CYTIP: variants seen among roughly 807,000 people sequenced by gnomAD.
The protein encoded by CYTIP is cytohesin 1 interacting protein, also known as cytohesin-interacting protein.
CYTIP carries 26 observed loss-of-function variants against 43.8 expected under a neutral mutation model. The observed-to-expected ratio is 0.59, with a 90% CI of 0.44 to 0.82. The LOEUF (loss-of-function observed/expected upper bound fraction) is 0.82. Ranked by LOEUF, CYTIP falls within the 40% of genes least tolerant of loss-of-function variation. The pLI, the probability that CYTIP is intolerant of heterozygous loss-of-function variation, is 0.00. For missense variants in CYTIP, 426 were observed against 443.1 expected, an observed-to-expected ratio of 0.96 and a Z score of 0.35; for synonymous variants, 162 against 162.9, an observed-to-expected ratio of 0.99 and a Z score of 0.04.
At chr2:157,442,438 C>T (rs1390392209) in intron 1 of CYTIP, among the ~76,000 whole-genome samples, 1 of 148,712 alleles carries the variant, frequency 6.7e-6, no homozygotes, top group African/African-American at 2.5e-5. Flanking sequence ...TGGAAAGTTC[C>T]CACCCTGATT....
chr2:157,435,635 T>C (rs1255033781), intron 1 of CYTIP, among the ~76,000 whole-genome samples: 2 of 152,186 alleles, frequency 1.3e-5, no homozygotes, highest in Non-Finnish European at 2.9e-5. Context: ...GGTCGGTTTG[T>C]TTCTTTGTTC....
intron 1 of CYTIP, among the ~76,000 whole-genome samples, chr2:157,437,698 CA>C (rs137924124): frequency 2.5e-5 from 3 of 118,426 alleles, no homozygotes; most frequent in Non-Finnish European, 3.4e-5. Flanking sequence ...GACTCCATCT[CA>C]AAAAAAAAAA....
chr2:157,431,887 C>T (rs1461287499), intron 3 of CYTIP, among the ~76,000 whole-genome samples: 4 of 152,126 alleles, frequency 2.6e-5, no homozygotes, highest in Admixed American at 6.5e-5. Flanking sequence ...CACAAGTCAG[C>T]CACATGCAAG....
In CYTIP at chr2:157,438,142, G is replaced by A. The variant is rs561142313; in HGVS notation, c.175-3395C>T. On this transcript the variant is annotated intron_variant, in intron 1 of 7. Coordinates refer to ENST00000264192, the MANE Select transcript of CYTIP (RefSeq NM_004288.5). ...TCAGCCTAGGTGTCCAACAACAGAT[G>A]AATGGATAAAGAAAATGTGGTATAT... Among the ~76,000 whole-genome samples the A allele has an allele frequency of 2.0e-5, 3 of 152,246 alleles. No individual in the cohort carries two copies. In the East Asian group the frequency reaches 5.8e-4, roughly 29 times the overall value.
chr2:157,442,463 A>T lies in CYTIP; in HGVS notation c.174+1384T>A, dbSNP rs539624496. 1.5e-4 allele frequency among the ~76,000 whole-genome samples: 14 copies of T among 94,110 alleles called. No homozygotes were observed. The Admixed American group carries it at 1.8e-3, about 12-fold the overall frequency. The allele number at this position is 94,110 out of a possible 152,430, so 61.7% of individuals were successfully genotyped here. On this transcript the variant is annotated intron_variant, in intron 1 of 7. Coordinates refer to ENST00000264192, the MANE Select transcript of CYTIP (RefSeq NM_004288.5). ...CCACCCTGATTGAAAAAGTACCCAC[A>T]GTCTCCAGCAAAAAAAAAAAAAAAA...
chr2:157,430,607 G>GT lies in CYTIP; in HGVS notation c.427dup (p.Thr143AsnfsTer7). 1 of 1,614,168 alleles carries GT rather than the reference G, an allele frequency of 6.2e-7. No individual in the cohort carries two copies. Among genetic ancestry groups the GT allele is most frequent in the South Asian group, 1.1e-5 (1 of 91,084 alleles). On this transcript the variant is annotated frameshift_variant, in exon 5 of 8. Coordinates refer to ENST00000264192, the MANE Select transcript of CYTIP (RefSeq NM_004288.5). LOFTEE classifies it high-confidence loss of function. The stretch of plus-strand genomic sequence containing the variant: ...GATCAGGTCAACGACTTGTTTGTAG[G>GT]TAAAACCTTCTGTGCTCACACCATT...
At chr2:157,440,612 T>C (rs1685890437) in intron 1 of CYTIP, among the ~76,000 whole-genome samples, 1 of 152,094 alleles carries the variant, frequency 6.6e-6, no homozygotes, top group South Asian at 2.1e-4. Flanking sequence ...AGCCCAGCAG[T>C]GTACACATCC....
At chr2:157,443,686 T>G (rs1287072405) in intron 1 of CYTIP, among the ~76,000 whole-genome samples, 161 bp downstream of exon 1, 1 of 152,176 alleles carries the variant, frequency 6.6e-6, no homozygotes, top group East Asian at 1.9e-4. Flanking sequence ...TTTGGACTGG[T>G]TCACCTAGCT....
intron 1 of CYTIP, among the ~76,000 whole-genome samples, chr2:157,436,691 T>C (rs1685810767): frequency 6.6e-6 from 1 of 152,114 alleles, no homozygotes; most frequent in African/African-American, 2.4e-5. Context: ...TCTTGGGGAA[T>C]GTTATTTGTT....
At chr2:157,434,246 A>G in intron 3 of CYTIP, 124 bp downstream of exon 3, 1 of 805,590 alleles carries the variant, frequency 1.2e-6, no homozygotes, top group Non-Finnish European at 2.2e-6. Flanking sequence ...ACAGCCACAC[A>G]CTGAATAAAA....
intron 5 of CYTIP, among the ~76,000 whole-genome samples, chr2:157,428,474 G>A (rs1685648517): frequency 6.6e-6 from 1 of 152,192 alleles, no homozygotes; most frequent in Non-Finnish European, 1.5e-5. Context: ...ATATGAATCT[G>A]TTTCATTGGG....
Position 157,415,586 on chromosome 2 carries a change from C to T in CYTIP, c.*91G>A. On this transcript the variant is annotated 3_prime_UTR_variant, in exon 8 of 8. Transcript: ENST00000264192. The stretch of plus-strand genomic sequence containing the variant: ...GCTGTGAAATGGGATGTCAGTTTTG[C>T]AATTCTTCTGCACTTTCCCACCAAG... The T allele has an allele frequency of 1.2e-6, 1 of 833,684 alleles. No homozygotes were observed. Among genetic ancestry groups the T allele is most frequent in the Non-Finnish European group, 1.9e-6 (1 of 519,114 alleles). 51.6% of individuals were successfully genotyped at this position (833,684 alleles called of 1,614,324 possible). A position where few individuals can be genotyped will look rare whatever the true frequency, so the allele number is the denominator to read the frequency against.
At chr2:157,420,650 C>CAAAAAA (rs56029960) in intron 6 of CYTIP, among the ~76,000 whole-genome samples, 4 of 70,100 alleles carry the variant, frequency 5.7e-5, no homozygotes, top group African/African-American at 1.1e-4. Context: ...GACCCTGCCA[C>CAAAAAA]AAAAAAAAAA....
At chr2:157,419,358 G>A (rs1173970126) in intron 6 of CYTIP, among the ~76,000 whole-genome samples, 1 of 152,140 alleles carries the variant, frequency 6.6e-6, no homozygotes. Flanking sequence ...TCCTTAGCGG[G>A]CTAAACTTAG....
intron 4 of CYTIP, 70 bp from the exon 5 acceptor site, chr2:157,430,722 A>T (rs1685699173): frequency 6.6e-7 from 1 of 1,509,996 alleles, no homozygotes; most frequent in African/African-American, 1.4e-5. Flanking sequence ...TGCAAATGAA[A>T]CAAGCAGCTC....
chr2:157,419,006 T>A (rs1387068929), intron 6 of CYTIP, among the ~76,000 whole-genome samples: 1 of 152,174 alleles, frequency 6.6e-6, no homozygotes, highest in Non-Finnish European at 1.5e-5. Flanking sequence ...TGCATAGATG[T>A]AAAATTTTTA....
In CYTIP at chr2:157,418,109, G is replaced by A. The variant is rs143270262; in HGVS notation, c.613+414C>T. On this transcript the variant is annotated intron_variant, in intron 7 of 7. Transcript: ENST00000264192. ...TGCAACTTATGCAATTTAAACAAAA[G>A]ACAGGAGCTCTACCCAATAAGTGTG... 1.8e-3 allele frequency among the ~76,000 whole-genome samples: 273 copies of A among 152,286 alleles called. 1 individual carries two copies. The highest frequency in any genetic ancestry group is 6.4e-3 in the African/African-American group (265 of 41,556).
At chr2:157,426,920 G>A (rs927654616) in intron 6 of CYTIP, among the ~76,000 whole-genome samples, 1 of 152,182 alleles carries the variant, frequency 6.6e-6, no homozygotes, top group Non-Finnish European at 1.5e-5. Context: ...GGATTAGACG[G>A]ATAAGGTTTT....
chr2:157,421,547 G>C (rs1261994140), intron 6 of CYTIP, among the ~76,000 whole-genome samples: 1 of 152,166 alleles, frequency 6.6e-6, no homozygotes, highest in Non-Finnish European at 1.5e-5. Flanking sequence ...TATAAACCCA[G>C]TAAATAGCAG....
Sources: allele counts gnomAD v4.1 joint callset (sites outside exome capture counted in the v4.1 genomes callset), GRCh38; gene constraint gnomAD v4.1.1; transcripts MANE v1.5; gene names NCBI Gene and HGNC (gene_info 2026-07-23, HGNC 2026-07-21).